Variants in PHKB observed in about 807,000 individuals in gnomAD.
PHKB encodes phosphorylase kinase regulatory subunit beta.
In PHKB, 122 loss-of-function variants were observed where a neutral mutation model predicts 152.1. The observed-to-expected ratio is 0.80, with a 90% CI of 0.69 to 0.93. The LOEUF (loss-of-function observed/expected upper bound fraction) is 0.93, where lower values mean the gene tolerates loss of function less well. PHKB is among the 40% of genes least tolerant of loss of function. The pLI is 0.00. For missense variants in PHKB, 1,304 were observed against 1,328.4 expected (o/e 0.98, Z 0.29); for synonymous variants, 436 against 464.9 (o/e 0.94, Z 0.80).
rs1970251203 is a variant in PHKB, at chr16:47,497,425, A to G, written c.103A>G (p.Ile35Val). ...CTCAGTTTATGAACCTCTTAAAAGC[A>G]TTAATCTTCCAAGACCTGATAATGA... ...SGSVYEPLKS[I>V]NLPRPDNETL... Residue 35 changes from isoleucine to valine, a missense_variant, in exon 2 of 31, where the codon ATT becomes GTT. Coordinates refer to ENST00000323584, the MANE Select transcript of PHKB (RefSeq NM_000293.3). 1 of 1,607,422 alleles carries G rather than the reference A, an allele frequency of 6.2e-7. No homozygotes were observed. The highest frequency in any genetic ancestry group is 8.5e-7 in the Non-Finnish European group (1 of 1,176,158).
intron 25 of PHKB, among the ~76,000 whole-genome samples, chr16:47,666,263 C>G (rs1021014516): frequency 3.3e-5 from 5 of 152,296 alleles, no homozygotes; most frequent in Admixed American, 3.3e-4. Flanking sequence ...ATCTTCAACT[C>G]CTGTGTTGAG....
intron 13 of PHKB, among the ~76,000 whole-genome samples, chr16:47,602,573 A>G (rs984617617): frequency 3.1e-5 from 2 of 65,206 alleles, no homozygotes; most frequent in Admixed American, 1.7e-4. Context: ...CTTTTCTTAC[A>G]TTTTTCCTGT....
intron 7 of PHKB, among the ~76,000 whole-genome samples, chr16:47,578,919 G>A (rs528869685): frequency 6.6e-6 from 1 of 152,010 alleles, no homozygotes; most frequent in African/African-American, 2.4e-5. Flanking sequence ...CCTTTGGCTA[G>A]AGAGACAGGC....
In PHKB at chr16:47,689,314, G is replaced by A. The variant is rs113712699; in HGVS notation, c.2765+139G>A. The A allele has an allele frequency of 1.8e-4, 136 of 773,534 alleles. 1 individual carries two copies. The highest frequency in any genetic ancestry group is 1.7e-3 in the African/African-American group (99 of 58,168). 47.9% of individuals were successfully genotyped at this position (773,534 alleles called of 1,614,324 possible). A position where few individuals can be genotyped will look rare whatever the true frequency, so the allele number is the denominator to read the frequency against. On this transcript the variant is annotated intron_variant, in intron 27 of 30. Transcript: ENST00000323584. Reference sequence around the variant, plus strand: ...AGTGTCAGAGGCCACCCCACTAGATGGAAAGTGTAAACAGAAAGACCAATC... The same window carrying A: ...AGTGTCAGAGGCCACCCCACTAGATAGAAAGTGTAAACAGAAAGACCAATC...
At chr16:47,699,089 A>G (rs1046273477) in intron 30 of PHKB, 140 bp from the exon 31 acceptor site, 4 of 786,720 alleles carry the variant, frequency 5.1e-6, no homozygotes, top group Non-Finnish European at 8.7e-6. Flanking sequence ...GGAAAATGAA[A>G]GAAAAGCTCA....
At chr16:47,621,313 T>C (rs1167342303) in intron 14 of PHKB, among the ~76,000 whole-genome samples, 2 of 152,148 alleles carry the variant, frequency 1.3e-5, no homozygotes, top group Non-Finnish European at 2.9e-5. Flanking sequence ...GGAAGTTGAG[T>C]TTACTGCAAT....
intron 1 of PHKB, among the ~76,000 whole-genome samples, chr16:47,467,903 A>G (rs1284332305): frequency 6.6e-6 from 1 of 152,200 alleles, no homozygotes; most frequent in Non-Finnish European, 1.5e-5. Context: ...TGATCCAGGT[A>G]TCTATGCACA....
At chr16:47,654,651 A>G (rs1274908038) in intron 20 of PHKB, among the ~76,000 whole-genome samples, 1 of 152,130 alleles carries the variant, frequency 6.6e-6, no homozygotes, top group Non-Finnish European at 1.5e-5. Flanking sequence ...TGTCCTTTGT[A>G]GGGACATGGA....
intron 6 of PHKB, among the ~76,000 whole-genome samples, chr16:47,540,630 T>A (rs1971037906): frequency 6.6e-6 from 1 of 151,964 alleles, no homozygotes; most frequent in African/African-American, 2.4e-5. Context: ...TGGCCAACAC[T>A]TAGGGAAAAT....
At chr16:47,569,796 A>G (rs1320635629) in intron 7 of PHKB, among the ~76,000 whole-genome samples, 3 of 151,938 alleles carry the variant, frequency 2.0e-5, no homozygotes, top group African/African-American at 7.3e-5. Flanking sequence ...TAATTTTTGT[A>G]TTTTTAGTAA....
rs1470234402 is a variant in PHKB at position 47,532,585 on chromosome 16, GCAGCTCTAGGTGTTGGCATGGGTGC to G, written c.595-14840_595-14816del. Among the ~76,000 whole-genome samples the G allele has an allele frequency of 2.6e-5, 4 of 152,376 alleles. No individual in the cohort carries two copies. In the South Asian group the frequency reaches 6.2e-4, roughly 24 times the overall value. ...TATGCTAGCTGCTGCAACGGAGTGGGCAGCTCTAGGTGTTGGCATGGGTGCCAGCTCTCTGTGAGGCTGCAGCTGG... is the reference window on the plus strand; with the variant it reads ...TATGCTAGCTGCTGCAACGGAGTGGGCAGCTCTCTGTGAGGCTGCAGCTGG... On this transcript the variant is annotated intron_variant, in intron 6 of 30. Transcript: ENST00000323584.
At chr16:47,476,358 A>G (rs1969868587) in intron 1 of PHKB, among the ~76,000 whole-genome samples, 1 of 152,114 alleles carries the variant, frequency 6.6e-6, no homozygotes, top group Non-Finnish European at 1.5e-5. Flanking sequence ...GCCCATTCAG[A>G]GATCCTCTTG....
Position 47,541,264 on chromosome 16 carries a change from G to A in PHKB, c.595-6169G>A, listed in dbSNP as rs973094614. On this transcript the variant is annotated intron_variant, in intron 6 of 30. Coordinates refer to ENST00000323584, the MANE Select transcript of PHKB (RefSeq NM_000293.3). Reference sequence around the variant, plus strand: ...ATGTGGTGTTTGGTTTTCTGTCCTTGCAATAGTTTGCTGAGAATGATGGTT... The same window carrying A: ...ATGTGGTGTTTGGTTTTCTGTCCTTACAATAGTTTGCTGAGAATGATGGTT... Among the ~76,000 whole-genome samples, 23 of 152,086 alleles carry A rather than the reference G, an allele frequency of 1.5e-4. 1 individual carries two copies. Among genetic ancestry groups the A allele is most frequent in the Admixed American group, 1.3e-3 (20 of 15,266 alleles).
chr16:47,656,706 AT>A (rs528968969), intron 20 of PHKB, among the ~76,000 whole-genome samples: 174 of 148,336 alleles, frequency 1.2e-3, no homozygotes, highest in African/African-American at 3.6e-3. Context: ...TCCAGCCTCC[AT>A]TTTTTTTTTA....
rs1377820011 is a variant in PHKB, at chr16:47,648,543, A to C, written c.1619A>C (p.Gln540Pro). 6.2e-7 allele frequency: 1 copy of C among 1,611,916 alleles called. No individual in the cohort carries two copies. The highest frequency in any genetic ancestry group is 1.3e-5 in the African/African-American group (1 of 75,012). The change falls in exon 17 of 31, where the codon CAG becomes CCG. Residue 540 changes from glutamine to proline, a missense_variant. Transcript: ENST00000323584. ...ACTTGTGTCTTACAGGCTTATTTGC[A>C]GCTGGGTATCAATGAAAAGTTAGGA... is the stretch of plus-strand genomic sequence containing the variant. ...PQQELVKAYL[Q>P]LGINEKLGLS...
intron 1 of PHKB, among the ~76,000 whole-genome samples, chr16:47,486,123 C>T (rs1970045715): frequency 6.6e-6 from 1 of 151,962 alleles, no homozygotes; most frequent in African/African-American, 2.4e-5. Flanking sequence ...TGGAAAATAA[C>T]ACATTAATCA....
At chr16:47,470,575 A>G (rs969570622) in intron 1 of PHKB, among the ~76,000 whole-genome samples, 18 of 152,314 alleles carry the variant, frequency 1.2e-4, no homozygotes, top group African/African-American at 4.1e-4. Context: ...CCTGTTCCCA[A>G]CATCCTCTTT....
At chr16:47,630,964 C>G (rs1972815976) in intron 14 of PHKB, among the ~76,000 whole-genome samples, 1 of 152,100 alleles carries the variant, frequency 6.6e-6, no homozygotes, top group African/African-American at 2.4e-5. Context: ...TGCCAGTCTT[C>G]AGACTGGAAT....
In PHKB at chr16:47,680,414, T is replaced by C. The variant is rs188618173; in HGVS notation, c.2631-8627T>C. ...CATCTGGTCCTGGACTATTTTTGGT[T>C]GGTAAGCTATTAATTATTGCCACAA... On this transcript the variant is annotated intron_variant, in intron 26 of 30. Coordinates refer to ENST00000323584, the MANE Select transcript of PHKB (RefSeq NM_000293.3). Among the ~76,000 whole-genome samples, 39 of 152,328 alleles carry C rather than the reference T, an allele frequency of 2.6e-4. No homozygotes were observed. In the East Asian group the frequency reaches 3.3e-3, roughly 13 times the overall value.
Sources: allele counts gnomAD v4.1 joint callset (sites outside exome capture counted in the v4.1 genomes callset), GRCh38; gene constraint gnomAD v4.1.1; transcripts MANE v1.5; gene names NCBI Gene and HGNC (gene_info 2026-07-23, HGNC 2026-07-21).